Variants in CCSER2 observed in about 807,000 individuals in gnomAD.
CCSER2 encodes serine-rich coiled-coil domain-containing protein 2.
Under a neutral mutation model 92.3 loss-of-function variants are expected in CCSER2, and 46 were observed. The observed-to-expected ratio is 0.50, with a 90% CI of 0.39 to 0.64. The LOEUF (loss-of-function observed/expected upper bound fraction) is 0.64. Ranked by LOEUF, CCSER2 falls within the 30% of genes least tolerant of loss-of-function variation. The pLI, the probability that CCSER2 is intolerant of heterozygous loss-of-function variation, is 0.00. For synonymous variants in CCSER2, 433 were observed against 431.4 expected, an observed-to-expected ratio of 1.00 and a Z score of -0.04; for missense variants, 1,244 against 1,238.9, an observed-to-expected ratio of 1.00 and a Z score of -0.06.
At chr10:84,438,031 A>G (rs1156243721) in intron 5 of CCSER2, among the ~76,000 whole-genome samples, 1 of 152,220 alleles carries the variant, frequency 6.6e-6, no homozygotes, top group Non-Finnish European at 1.5e-5. Context: ...TATAAAAACA[A>G]AAAATTCATC....
intron 1 of CCSER2, among the ~76,000 whole-genome samples, chr10:84,344,296 T>G (rs922680104): frequency 6.6e-6 from 1 of 152,206 alleles, no homozygotes; most frequent in African/African-American, 2.4e-5. Flanking sequence ...AAATGTATTT[T>G]GCACATATTT....
intron 6 of CCSER2, among the ~76,000 whole-genome samples, chr10:84,446,722 A>T (rs1844940504): frequency 6.6e-6 from 1 of 152,210 alleles, no homozygotes; most frequent in Non-Finnish European, 1.5e-5. Context: ...AGCTCCCTGT[A>T]TGCTCCTTCC....
chr10:84,365,946 T>C (rs1377795456), intron 1 of CCSER2, among the ~76,000 whole-genome samples: 1 of 152,202 alleles, frequency 6.6e-6, no homozygotes, highest in African/African-American at 2.4e-5. Flanking sequence ...TATGGTAGTA[T>C]GTTTTGTGGA....
At chr10:84,483,037 G>A (rs1847547198) in intron 9 of CCSER2, among the ~76,000 whole-genome samples, 1 of 152,126 alleles carries the variant, frequency 6.6e-6, no homozygotes, top group Non-Finnish European at 1.5e-5. Context: ...CCATGTTACG[G>A]TATATATAAA....
intron 6 of CCSER2, among the ~76,000 whole-genome samples, chr10:84,441,797 C>G (rs1844583102): frequency 8.6e-6 from 1 of 116,864 alleles, no homozygotes; most frequent in South Asian, 3.0e-4. Context: ...CTCGCTGTCT[C>G]TCAGGCTGGA....
At chr10:84,476,126 G>A (rs1847123295) in intron 8 of CCSER2, among the ~76,000 whole-genome samples, 8 of 152,106 alleles carry the variant, frequency 5.3e-5, no homozygotes, top group Admixed American at 5.2e-4. Context: ...GTGAGCTACT[G>A]CACCCAGCCT....
At chr10:84,480,328 C>T (rs1645427518) in intron 9 of CCSER2, among the ~76,000 whole-genome samples, 1 of 152,114 alleles carries the variant, frequency 6.6e-6, no homozygotes, top group Non-Finnish European at 1.5e-5. Flanking sequence ...TGACCACATA[C>T]TTGTATTTTA....
intron 6 of CCSER2, among the ~76,000 whole-genome samples, chr10:84,457,350 AAT>A (rs1331589619): frequency 0.012 from 796 of 66,332 alleles, 18 homozygotes; most frequent in African/African-American, 0.035. Context: ...TATTATATAT[AAT>A]ATATATATTT....
intron 3 of CCSER2, among the ~76,000 whole-genome samples, chr10:84,387,937 C>T (rs1339627156): frequency 2.6e-5 from 4 of 152,124 alleles, no homozygotes; most frequent in African/African-American, 9.7e-5. Flanking sequence ...GATCTCGGCT[C>T]ACAGCAACCT....
intron 1 of CCSER2, among the ~76,000 whole-genome samples, chr10:84,342,692 C>G (rs1844260236): frequency 6.6e-6 from 1 of 151,336 alleles, no homozygotes. Context: ...TTCACACATT[C>G]TTTTTTTTTG....
intron 6 of CCSER2, among the ~76,000 whole-genome samples, chr10:84,441,237 T>C (rs556291139): frequency 6.6e-6 from 1 of 152,298 alleles, no homozygotes; most frequent in African/African-American, 2.4e-5. Flanking sequence ...TTTCTTTGGG[T>C]TTGGTTATGT....
In CCSER2 at chr10:84,384,479, C is replaced by T. The variant is rs145538011; in HGVS notation, c.1614+10664C>T. On this transcript the variant is annotated intron_variant, in intron 3 of 9. Coordinates refer to ENST00000372088, the MANE Select transcript of CCSER2 (RefSeq NM_001284240.2). Reference sequence around the variant, plus strand: ...ATGCAAAGATGTTTCAGCATACACACATCAATAAATGTGACCCACCACATA... The same window carrying T: ...ATGCAAAGATGTTTCAGCATACACATATCAATAAATGTGACCCACCACATA... Among the ~76,000 whole-genome samples the T allele has an allele frequency of 3.0e-3, 460 of 152,278 alleles. 5 individuals carry two copies. The highest frequency in any genetic ancestry group is 4.3e-3 in the Non-Finnish European group (295 of 68,020).
chr10:84,450,567 T>G (rs979030310), intron 6 of CCSER2, among the ~76,000 whole-genome samples: 4 of 152,130 alleles, frequency 2.6e-5, no homozygotes, highest in Admixed American at 2.0e-4. Context: ...TGCTCAAGAC[T>G]CCAAGGCCAA....
At chr10:84,500,107 C>T in intron 9 of CCSER2, 2 of 999,670 alleles carry the variant, frequency 2.0e-6, no homozygotes, top group Non-Finnish European at 2.9e-6. Flanking sequence ...GTGGTCTCCT[C>T]TCTTAACACT....
intron 1 of CCSER2, among the ~76,000 whole-genome samples, chr10:84,368,977 C>T (rs557529773): frequency 1.3e-5 from 2 of 152,054 alleles, no homozygotes; most frequent in Non-Finnish European, 2.9e-5. Flanking sequence ...AGAATAATGG[C>T]CTCCATCTCC....
At chr10:84,362,075 C>T (rs2133120508) in intron 1 of CCSER2, among the ~76,000 whole-genome samples, 1 of 152,250 alleles carries the variant, frequency 6.6e-6, no homozygotes, top group African/African-American at 2.4e-5. Context: ...GAATCAAACC[C>T]AGTATGTGCC....
At chr10:84,447,240 C>T (rs1383947879) in intron 6 of CCSER2, among the ~76,000 whole-genome samples, 1 of 152,146 alleles carries the variant, frequency 6.6e-6, no homozygotes, top group Non-Finnish European at 1.5e-5. Flanking sequence ...TTCATTGTTT[C>T]ACATGTGTGC....
intron 1 of CCSER2, among the ~76,000 whole-genome samples, chr10:84,368,010 C>T (rs1845871882): frequency 6.6e-6 from 1 of 152,152 alleles, no homozygotes; most frequent in African/African-American, 2.4e-5. Flanking sequence ...AGTCTCATTT[C>T]ATACTGCTGA....
intron 1 of CCSER2, among the ~76,000 whole-genome samples, chr10:84,361,440 G>A (rs1845494222): frequency 1.3e-5 from 2 of 152,132 alleles, no homozygotes; most frequent in South Asian, 2.1e-4. Flanking sequence ...TTTTTAGGTA[G>A]GAGTGATATT....
Sources: allele counts gnomAD v4.1 joint callset (sites outside exome capture counted in the v4.1 genomes callset), GRCh38; gene constraint gnomAD v4.1.1; transcripts MANE v1.5; gene names NCBI Gene and HGNC (gene_info 2026-07-23, HGNC 2026-07-21).